ERC2: variants seen among roughly 807,000 people sequenced by gnomAD.
The protein encoded by ERC2 is ERC protein 2.
ERC2 carries 42 observed loss-of-function variants against 114.8 expected under a neutral mutation model. The observed-to-expected ratio is 0.37, with a 90% CI of 0.29 to 0.47. The LOEUF (loss-of-function observed/expected upper bound fraction) is 0.47. Among genes scored for constraint, ERC2 ranks in the 20% least tolerant of loss-of-function variants. The pLI, the probability that ERC2 is intolerant of heterozygous loss-of-function variation, is 0.99. For synonymous variants in ERC2, 454 were observed against 425.5 expected (o/e 1.07, Z -0.82); for missense variants, 939 against 1,150.7 (o/e 0.82, Z 2.66).
intron 17 of ERC2, among the ~76,000 whole-genome samples, chr3:55,529,686 C>T (rs1320038220): frequency 6.6e-6 from 1 of 152,198 alleles, no homozygotes; most frequent in African/African-American, 2.4e-5. Flanking sequence ...GAATAATCAC[C>T]ATAATCAGCC....
intron 7 of ERC2, among the ~76,000 whole-genome samples, chr3:56,075,392 G>T (rs1310952822): frequency 6.6e-6 from 1 of 152,158 alleles, no homozygotes; most frequent in East Asian, 1.9e-4. Flanking sequence ...AATCAAAGTG[G>T]TGTTTGCCTT....
At chr3:55,775,561 T>TA (rs1391868663) in intron 14 of ERC2, among the ~76,000 whole-genome samples, 3 of 146,768 alleles carry the variant, frequency 2.0e-5, no homozygotes, top group African/African-American at 5.0e-5. Context: ...AATAAATAAA[T>TA]AAATAAATAA....
chr3:56,261,136 C>T (rs77070333), intron 3 of ERC2, among the ~76,000 whole-genome samples: 3,717 of 152,250 alleles, frequency 0.024, 63 homozygotes, highest in Admixed American at 0.036. Flanking sequence ...CTGTCTTTAG[C>T]GGGTTCCCAG....
intron 7 of ERC2, among the ~76,000 whole-genome samples, chr3:56,036,661 G>A (rs1018586765): frequency 3.3e-5 from 5 of 152,146 alleles, no homozygotes; most frequent in Non-Finnish European, 7.4e-5. Context: ...ACTGGGAGCT[G>A]CACAGAACAA....
At chr3:55,926,298 C>T (rs953944974) in intron 13 of ERC2, among the ~76,000 whole-genome samples, 1 of 151,814 alleles carries the variant, frequency 6.6e-6, no homozygotes, top group African/African-American at 2.4e-5. Context: ...AAAATATGTT[C>T]CCATGGAGTA....
At position 55,994,127 on chromosome 3, in the gene ERC2, T is replaced by C. The variant is rs186830251; in HGVS notation, c.2062-1877A>G. Among the ~76,000 whole-genome samples, 18 of 152,300 alleles carry C rather than the reference T, an allele frequency of 1.2e-4. No homozygotes were observed. The East Asian group carries it at 3.3e-3, about 28-fold the overall frequency. On this transcript the variant is annotated intron_variant, in intron 10 of 17. Transcript: ENST00000288221. Reference sequence around the variant, plus strand: ...ATTTTCATACTGTATTACCATTCTTTTACAGCAGTTAAAAACCTTTTCATG... The same window carrying C: ...ATTTTCATACTGTATTACCATTCTTCTACAGCAGTTAAAAACCTTTTCATG...
intron 14 of ERC2, among the ~76,000 whole-genome samples, chr3:55,830,879 G>C (rs943983319): frequency 1.3e-5 from 2 of 152,142 alleles, no homozygotes; most frequent in Non-Finnish European, 2.9e-5. Context: ...AGGAATTTGA[G>C]GCTGCAGTGA....
chr3:55,808,733 ATATAT>A (rs1559689435), intron 14 of ERC2, among the ~76,000 whole-genome samples: 5 of 117,598 alleles, frequency 4.3e-5, no homozygotes, highest in East Asian at 4.5e-4. Flanking sequence ...ATATATATAT[ATATAT>A]ATATAACGTA....
Position 55,583,500 on chromosome 3 carries a change from C to G in ERC2, c.*40-72224G>C, listed in dbSNP as rs1303574889. Reference sequence around the variant, plus strand: ...CCTCCCCTCCATCCCTCTCTCCTTCCCTCCCTCCCTCCCTCCCTCCCTCCC... The same window carrying G: ...CCTCCCCTCCATCCCTCTCTCCTTCGCTCCCTCCCTCCCTCCCTCCCTCCC... On this transcript the variant is annotated intron_variant, in intron 17 of 17. Coordinates refer to ENST00000288221, the MANE Select transcript of ERC2 (RefSeq NM_015576.3). Among the ~76,000 whole-genome samples, 7 of 38,156 alleles carry G rather than the reference C, an allele frequency of 1.8e-4. No homozygotes were observed. In the East Asian group the frequency reaches 4.4e-3, roughly 24 times the overall value. 25.0% of individuals were successfully genotyped at this position (38,156 alleles called of 152,430 possible).
chr3:55,744,169 G>T lies in ERC2; in HGVS notation c.2565-9251C>A, dbSNP rs150525650. ...TGTAATCCCAGCACTTTGGGAGGCC[G>T]AGGTGGGTGTATCACCTGAGGTCAG... On this transcript the variant is annotated intron_variant, in intron 14 of 17. Transcript: ENST00000288221. 4.6e-3 allele frequency among the ~76,000 whole-genome samples: 696 copies of T among 152,226 alleles called. 2 individuals are homozygous for T. The highest frequency in any genetic ancestry group is 0.016 in the African/African-American group (657 of 41,546).
At chr3:55,728,614 C>A (rs903352342) in intron 15 of ERC2, among the ~76,000 whole-genome samples, 1 of 152,094 alleles carries the variant, frequency 6.6e-6, no homozygotes. Flanking sequence ...ATGAGTGTAA[C>A]CTGAGATTTA....
At position 56,053,562 on chromosome 3, in the gene ERC2, A is replaced by G. The variant is rs573435451; in HGVS notation, c.1641+27255T>C. Among the ~76,000 whole-genome samples the G allele has an allele frequency of 1.1e-4, 17 of 152,282 alleles. No individual in the cohort carries two copies. The South Asian group carries it at 2.1e-3, about 19-fold the overall frequency. On this transcript the variant is annotated intron_variant, in intron 7 of 17. Coordinates refer to ENST00000288221, the MANE Select transcript of ERC2 (RefSeq NM_015576.3). ...TGCCATTACAATTATTGTTGGAATC[A>G]TTATTTACTGGAAGCCAGAAAACTT...
At chr3:55,721,257 T>A (rs1203869145) in intron 15 of ERC2, among the ~76,000 whole-genome samples, 2 of 152,240 alleles carry the variant, frequency 1.3e-5, no homozygotes, top group Non-Finnish European at 2.9e-5. Flanking sequence ...ATGATGGTAC[T>A]GCCTCTTCAA....
chr3:56,273,676 A>G (rs2053809984), intron 3 of ERC2, among the ~76,000 whole-genome samples: 1 of 152,066 alleles, frequency 6.6e-6, no homozygotes, highest in Non-Finnish European at 1.5e-5. Context: ...TGCACACCAG[A>G]GTAGAAGCTC....
At chr3:55,688,619 A>G (rs1559501938) in intron 16 of ERC2, among the ~76,000 whole-genome samples, 1 of 152,168 alleles carries the variant, frequency 6.6e-6, no homozygotes, top group Non-Finnish European at 1.5e-5. Flanking sequence ...AGAAGCTACA[A>G]TTTAGTTGGG....
intron 14 of ERC2, among the ~76,000 whole-genome samples, chr3:55,870,683 T>C (rs754856474): frequency 6.6e-6 from 1 of 152,122 alleles, no homozygotes; most frequent in African/African-American, 2.4e-5. Context: ...GTCAAGCAGA[T>C]ACTAAGAGAC....
chr3:56,317,580 G>T (rs376978448), intron 2 of ERC2, among the ~76,000 whole-genome samples: 22 of 152,090 alleles, frequency 1.4e-4, no homozygotes, highest in Non-Finnish European at 2.8e-4. Context: ...AACTAAAATT[G>T]CCTGCAAATT....
Position 56,165,880 on chromosome 3 carries a change from G to GT in ERC2, c.1149+7565dup, listed in dbSNP as rs368012904. Among the ~76,000 whole-genome samples, 1,343 of 147,890 alleles carry GT rather than the reference G, an allele frequency of 9.1e-3. 24 individuals carry two copies. Among genetic ancestry groups the GT allele is most frequent in the African/African-American group, 0.031 (1,260 of 40,464 alleles). On this transcript the variant is annotated intron_variant, in intron 4 of 17. Coordinates refer to ENST00000288221, the MANE Select transcript of ERC2 (RefSeq NM_015576.3). ...GATTATGGTACTTGTGAACAAAAAT[G>GT]TTTTTTTTTTCTTTCTAATTTTTAT...
chr3:56,206,597 G>A (rs2048752615), intron 3 of ERC2, among the ~76,000 whole-genome samples: 1 of 152,294 alleles, frequency 6.6e-6, no homozygotes, highest in African/African-American at 2.4e-5. Flanking sequence ...TACTCTGTGT[G>A]TATAAATATA....
Sources: allele counts gnomAD v4.1 joint callset (sites outside exome capture counted in the v4.1 genomes callset), GRCh38; gene constraint gnomAD v4.1.1; transcripts MANE v1.5; gene names NCBI Gene and HGNC (gene_info 2026-07-23, HGNC 2026-07-21).